IL1RAP: variants seen among roughly 807,000 people sequenced by gnomAD.
The protein encoded by IL1RAP is interleukin 1 receptor accessory protein, also known as interleukin-1 receptor accessory protein.
A neutral mutation model predicts 60.7 loss-of-function variants in IL1RAP; 35 were observed. The ratio of observed to expected loss-of-function variants is 0.58; its 90% CI spans 0.44 to 0.76. IL1RAP has a LOEUF of 0.76. Among genes scored for constraint, IL1RAP ranks in the 30% least tolerant of loss-of-function variants. The pLI is 0.00. For synonymous variants in IL1RAP, 268 were observed against 250.9 expected (o/e 1.07, Z -0.64); for missense variants, 572 against 693.9 (o/e 0.82, Z 1.97).
chr3:190,585,830 GA>G (rs770551235), intron 3 of IL1RAP, among the ~76,000 whole-genome samples: 5 of 151,780 alleles, frequency 3.3e-5, no homozygotes, highest in African/African-American at 4.8e-5. Context: ...AAGAAAAAAA[GA>G]AAAAAAAGTC....
rs1446148543 is a variant in IL1RAP, at chr3:190,627,328, G to C, written c.781G>C (p.Glu261Gln). ...HVVYEKEPGE[E>Q]LLIPCTVYFS... ...TTTTTGGTTTTTTTTTTCAGGAGAG[G>C]AGCTACTCATTCCCTGTACGGTCTA... Residue 261 changes from glutamate (E) to glutamine (Q), a missense_variant, in exon 8 of 12, where the codon GAG (glutamate) becomes CAG (glutamine). Transcript: ENST00000447382. The C allele has an allele frequency of 6.3e-7, 1 of 1,586,158 alleles. No individual in the cohort carries two copies. Among genetic ancestry groups the C allele is most frequent in the Non-Finnish European group, 8.6e-7 (1 of 1,166,334 alleles).
intron 3 of IL1RAP, among the ~76,000 whole-genome samples, chr3:190,575,832 C>G (rs1416692793): frequency 1.3e-5 from 2 of 152,204 alleles, no homozygotes; most frequent in African/African-American, 2.4e-5. Flanking sequence ...ACAAGGTCCT[C>G]TAAACACCCC....
intron 3 of IL1RAP, among the ~76,000 whole-genome samples, chr3:190,585,982 C>T (rs563513338): frequency 3.9e-5 from 6 of 152,170 alleles, no homozygotes; most frequent in African/African-American, 1.2e-4. Context: ...GATCTAACCC[C>T]GGCTGACTCA....
chr3:190,652,457 GAA>G (rs10631058), downstream of IL1RAP, among the ~76,000 whole-genome samples: 1 of 135,508 alleles, frequency 7.4e-6, no homozygotes, highest in Admixed American at 7.5e-5. Context: ...CGAGACTTCA[GAA>G]AAAAAAAAAA....
chr3:190,611,984 A>G (rs1426556170), intron 5 of IL1RAP, among the ~76,000 whole-genome samples: 3 of 152,202 alleles, frequency 2.0e-5, no homozygotes, highest in Non-Finnish European at 4.4e-5. Context: ...GGAACATACA[A>G]TACTAATGTT....
At chr3:190,518,108 A>T (rs1458713037) in intron 1 of IL1RAP, 1 of 150,424 alleles carries the variant, frequency 6.6e-6, no homozygotes, top group Non-Finnish European at 1.5e-5. Context: ...ATGATAATGC[A>T]TGGTTTACAC....
chr3:190,656,528 C>A, exon 12 of IL1RAP: 1 of 1,537,272 alleles, frequency 6.5e-7, no homozygotes, highest in Non-Finnish European at 8.7e-7. Flanking sequence ...AGATTGGAAC[C>A]CCCTGCTCCC....
chr3:190,557,989 A>G (rs1725569508), intron 2 of IL1RAP, among the ~76,000 whole-genome samples: 1 of 152,086 alleles, frequency 6.6e-6, no homozygotes, highest in Non-Finnish European at 1.5e-5. Context: ...CGGTCACTCC[A>G]GTTCTGTCTT....
At chr3:190,614,316 A>G (rs138317200) in intron 5 of IL1RAP, among the ~76,000 whole-genome samples, 463 of 152,022 alleles carry the variant, frequency 3.0e-3, no homozygotes, top group Non-Finnish European at 5.2e-3. Context: ...TATCTGAAAG[A>G]TGAAAGCTGC....
intron 4 of IL1RAP, among the ~76,000 whole-genome samples, chr3:190,606,464 A>G (rs1730337150): frequency 6.6e-6 from 1 of 152,236 alleles, no homozygotes; most frequent in South Asian, 2.1e-4. Context: ...CCCAACGGGA[A>G]GAAGTCATCA....
intron 9 of IL1RAP, among the ~76,000 whole-genome samples, chr3:190,639,672 T>G (rs79899960): frequency 1.8e-4 from 27 of 152,226 alleles, no homozygotes; most frequent in Non-Finnish European, 3.4e-4. Flanking sequence ...TTAAAAATTA[T>G]ATGCTGGATA....
intron 1 of IL1RAP, among the ~76,000 whole-genome samples, chr3:190,528,924 C>T (rs1251731920): frequency 6.6e-6 from 1 of 152,110 alleles, no homozygotes; most frequent in Non-Finnish European, 1.5e-5. Flanking sequence ...TGCGATTTAT[C>T]AGAGAGAGCT....
downstream of IL1RAP, among the ~76,000 whole-genome samples, chr3:190,653,228 A>G (rs1734479973): frequency 6.6e-6 from 1 of 152,226 alleles, no homozygotes; most frequent in African/African-American, 2.4e-5. Context: ...TAGTCCATAT[A>G]TGATTTTACT....
Position 190,648,411 on chromosome 3 carries a change from G to A in IL1RAP, c.1419G>A (p.Val473=). 9 of 1,613,952 alleles carry A rather than the reference G, an allele frequency of 5.6e-6. No individual in the cohort carries two copies. Among genetic ancestry groups the A allele is most frequent in the Non-Finnish European group, 7.6e-6 (9 of 1,179,954 alleles). ...TGGTTGTTCTAAGCCCCAACTACGT[G>A]CTCCAGGGAACCCAAGCCCTCCTGG... ...RLLVVLSPNY[V]LQGTQALLEL... Residue 473 remains valine, a synonymous_variant, in exon 12 of 12, where the codon GTG becomes GTA. Coordinates refer to ENST00000447382, the MANE Select transcript of IL1RAP (RefSeq NM_002182.4).
intron 1 of IL1RAP, among the ~76,000 whole-genome samples, chr3:190,519,586 G>A (rs776322122): frequency 2.0e-5 from 3 of 151,568 alleles, no homozygotes; most frequent in Non-Finnish European, 4.4e-5. Flanking sequence ...AACCAGATTC[G>A]TAAATGCCCC....
intron 1 of IL1RAP, among the ~76,000 whole-genome samples, chr3:190,527,735 G>A (rs945883393): frequency 1.3e-4 from 18 of 141,832 alleles, no homozygotes; most frequent in Admixed American, 7.7e-4. Flanking sequence ...TGTTTAAAAG[G>A]TGTAACTTTT....
intron 2 of IL1RAP, among the ~76,000 whole-genome samples, chr3:190,560,655 C>G (rs770490801): frequency 6.6e-6 from 1 of 152,276 alleles, no homozygotes; most frequent in Admixed American, 6.5e-5. Context: ...CATGGCAAAT[C>G]CCACCCTTGG....
intron 1 of IL1RAP, among the ~76,000 whole-genome samples, chr3:190,540,579 C>T (rs1201313931): frequency 6.0e-5 from 9 of 150,314 alleles, no homozygotes; most frequent in African/African-American, 2.0e-4. Context: ...GCTCTTTCTT[C>T]TGATTTTCCT....
At chr3:190,557,543 G>A (rs148690663) in intron 2 of IL1RAP, among the ~76,000 whole-genome samples, 1 of 152,288 alleles carries the variant, frequency 6.6e-6, no homozygotes, top group East Asian at 1.9e-4. Context: ...TGTTATATCA[G>A]TAAAGGTTAG....
Sources: allele counts gnomAD v4.1 joint callset (sites outside exome capture counted in the v4.1 genomes callset), GRCh38; gene constraint gnomAD v4.1.1; transcripts MANE v1.5; gene names NCBI Gene and HGNC (gene_info 2026-07-23, HGNC 2026-07-21).